CACNA1A: variants seen among roughly 807,000 people sequenced by gnomAD.
The protein encoded by CACNA1A is calcium voltage-gated channel subunit alpha1 A, also known as voltage-dependent P/Q-type calcium channel subunit alpha-1A.
In CACNA1A, 57 loss-of-function variants were observed where a neutral mutation model predicts 262.4. That is an observed-to-expected ratio of 0.22 (90% CI 0.18 to 0.27). CACNA1A has a LOEUF of 0.27. Among genes scored for constraint, CACNA1A ranks in the 10% least tolerant of loss-of-function variants. The pLI, the probability that CACNA1A is intolerant of heterozygous loss-of-function variation, is 1.00. For missense variants in CACNA1A, 2,526 were observed against 3,562.8 expected (o/e 0.71, Z 7.41); for synonymous variants, 1,431 against 1,419.3 (o/e 1.01, Z -0.18).
At chr19:13,261,778 T>C (rs896818790) in intron 25 of CACNA1A, 168 bp from the exon 26 acceptor site, 1 of 618,090 alleles carries the variant, frequency 1.6e-6, no homozygotes, top group Non-Finnish European at 2.8e-6. Context: ...AAATAAGCGT[T>C]GGAGGAGTTG....
intron 1 of CACNA1A, among the ~76,000 whole-genome samples, chr19:13,485,856 A>G (rs1979910353): frequency 6.6e-6 from 1 of 152,218 alleles, no homozygotes; most frequent in Non-Finnish European, 1.5e-5. Context: ...CAACAATTTC[A>G]CACAGAGCGA....
rs2056443467 is a variant in CACNA1A, at chr19:13,253,014, T to C, written c.4843A>G (p.Lys1615Glu). ...TSLFSLECVL[K>E]VMAFGILNYF... ...ACCAGAATCCCAAAAGCCATGACTT[T>C]CAGCACACATTCCAGAGAGAAGAGG... Residue 1615 changes from lysine (K) to glutamate (E), a missense_variant, in exon 30 of 47, where the codon AAA (lysine) becomes GAA (glutamate). This residue lies in a region of CACNA1A where 66 missense variants were observed against 195.8 expected (regional missense o/e 0.34). Coordinates refer to ENST00000360228, the MANE Select transcript of CACNA1A (RefSeq NM_001127222.2). 1.2e-6 allele frequency: 2 copies of C among 1,613,248 alleles called. No individual in the cohort carries two copies. The highest frequency in any genetic ancestry group is 1.7e-6 in the Non-Finnish European group (2 of 1,179,256).
intron 1 of CACNA1A, among the ~76,000 whole-genome samples, chr19:13,463,595 A>G (rs929725064): frequency 2.0e-5 from 3 of 152,208 alleles, no homozygotes; most frequent in African/African-American, 7.2e-5. Context: ...ACCAGCAGCA[A>G]CTATTAACAC....
At chr19:13,410,731 C>T (rs1382392716) in intron 3 of CACNA1A, among the ~76,000 whole-genome samples, 6 of 151,996 alleles carry the variant, frequency 3.9e-5, no homozygotes, top group Non-Finnish European at 8.8e-5. Context: ...GAAAGATCTC[C>T]ATGCCACTAC....
chr19:13,435,156 C>T (rs142187435), intron 3 of CACNA1A, among the ~76,000 whole-genome samples: 1,593 of 151,862 alleles, frequency 0.01, 23 homozygotes, highest in African/African-American at 0.035. Context: ...CTCTGTCTCC[C>T]AGGCTGGAGT....
chr19:13,310,515 T>TATATATAGAGAG (rs1555760547), intron 12 of CACNA1A, among the ~76,000 whole-genome samples: 1 of 69,370 alleles, frequency 1.4e-5, no homozygotes, highest in African/African-American at 5.9e-5. Context: ...TATATATATG[T>TATATATAGAGAG]AGAGAGAGAG....
chr19:13,405,600 C>A (rs1479424870), intron 3 of CACNA1A, among the ~76,000 whole-genome samples: 1 of 152,066 alleles, frequency 6.6e-6, no homozygotes, highest in African/African-American at 2.4e-5. Flanking sequence ...AGCTGTATGT[C>A]AATTATTTCA....
In CACNA1A at chr19:13,212,500, TGAG is replaced by T; in HGVS notation, c.6070_6072del (p.Leu2024del). Reference sequence around the variant, plus strand: ...TGGGTCACCCAGGACGGGCTCTCCTTGAGGCCGCTTTCGTGAGCCATCCTGCAT... The same window carrying T: ...TGGGTCACCCAGGACGGGCTCTCCTTGCCGCTTTCGTGAGCCATCCTGCAT... On this transcript the variant is annotated inframe_deletion, in exon 42 of 47. Transcript: ENST00000360228. The surrounding 1 kb of genome is among the most constrained non-coding windows in gnomAD (Gnocchi z 5.6). 1.3e-6 allele frequency: 2 copies of T among 1,581,374 alleles called. No homozygotes were observed. Among genetic ancestry groups the T allele is most frequent in the Non-Finnish European group, 8.6e-7 (1 of 1,163,550 alleles).
chr19:13,494,454 T>TA (rs139564976), intron 1 of CACNA1A, among the ~76,000 whole-genome samples: 2,104 of 152,224 alleles, frequency 0.014, 52 homozygotes, highest in African/African-American at 0.048. Context: ...GAATGTCATG[T>TA]AATGCAAATG....
chr19:13,316,802 C>A, intron 11 of CACNA1A: 1 of 272,408 alleles, frequency 3.7e-6, no homozygotes. Flanking sequence ...TTATGAGCTC[C>A]GTCTTTCTCT....
intron 4 of CACNA1A, chr19:13,371,456 G>A (rs1028225539): frequency 8.2e-5 from 43 of 526,002 alleles, no homozygotes; most frequent in South Asian, 7.6e-4. Flanking sequence ...CATGGCTCCC[G>A]ATAGACAGTA....
intron 30 of CACNA1A, among the ~76,000 whole-genome samples, chr19:13,247,713 A>AAAAT (rs144467626): frequency 0.18 from 26,351 of 146,594 alleles, 2,563 homozygotes; most frequent in African/African-American, 0.2. Flanking sequence ...TAAATAAATA[A>AAAAT]AAATAAATAA....
intron 3 of CACNA1A, among the ~76,000 whole-genome samples, chr19:13,448,101 G>A (rs1488286169): frequency 6.6e-6 from 1 of 151,236 alleles, no homozygotes; most frequent in Admixed American, 6.6e-5. Flanking sequence ...AAAAAAACAG[G>A]GCTGCAAAAG....
At chr19:13,253,505 G>T (rs2056461220) in intron 29 of CACNA1A, among the ~76,000 whole-genome samples, 1 of 143,928 alleles carries the variant, frequency 6.9e-6, no homozygotes, top group African/African-American at 2.6e-5. Flanking sequence ...GAGTGCAGTG[G>T]CGCGATCTCG....
chr19:13,262,556 G>C, intron 25 of CACNA1A, 178 bp downstream of exon 25: 1 of 595,110 alleles, frequency 1.7e-6, no homozygotes. Flanking sequence ...TTTTAGGTCA[G>C]CTCACTTTAC....
intron 1 of CACNA1A, among the ~76,000 whole-genome samples, chr19:13,470,196 T>C (rs1292440298): frequency 6.6e-6 from 1 of 152,132 alleles, no homozygotes; most frequent in African/African-American, 2.4e-5. Flanking sequence ...AAATTTTCCT[T>C]CAGCCACCAA....
chr19:13,373,111 C>CTG (rs1221072359), intron 3 of CACNA1A, among the ~76,000 whole-genome samples: 3 of 152,190 alleles, frequency 2.0e-5, no homozygotes, highest in Non-Finnish European at 4.4e-5. Flanking sequence ...ACCAGAGGGT[C>CTG]TGTGGTTAAT....
chr19:13,347,844 G>T (rs1423691267), intron 6 of CACNA1A, among the ~76,000 whole-genome samples: 1 of 152,188 alleles, frequency 6.6e-6, no homozygotes, highest in Admixed American at 6.5e-5. Context: ...GAATGAAAAA[G>T]GGCATGGGTC....
At chr19:13,270,753 GGGGA>G (rs2056996776) in intron 24 of CACNA1A, among the ~76,000 whole-genome samples, 1 of 152,172 alleles carries the variant, frequency 6.6e-6, no homozygotes, top group South Asian at 2.1e-4. Context: ...ACAGTGGGGT[GGGGA>G]GGGTGTGGTA....
Sources: gnomAD v4.1 joint callset for allele counts (sites outside exome capture counted in the v4.1 genomes callset) on GRCh38, gnomAD v4.1.1 for gene constraint, gnomAD v4.1.1 regional missense constraint, Gnocchi (gnomAD v3.1) non-coding constraint, MANE v1.5 for transcripts, NCBI Gene and HGNC (gene_info 2026-07-23, HGNC 2026-07-21) for gene names.